ST3GAL1: variants seen among roughly 807,000 people sequenced by gnomAD.
The protein encoded by ST3GAL1 is CMP-N-acetylneuraminate-beta-galactosamide-alpha-2,3-sialyltransferase 1.
In ST3GAL1, 16 loss-of-function variants were observed where a neutral mutation model predicts 34.1. The observed-to-expected ratio is 0.47, with a 90% CI of 0.32 to 0.71. ST3GAL1 has a LOEUF of 0.71. Ranked by LOEUF, ST3GAL1 falls within the 30% of genes least tolerant of loss-of-function variation. The probability of loss-of-function intolerance (pLI) is 0.04; values close to 1 mark genes in which losing one functional copy is unlikely to be tolerated. For synonymous variants in ST3GAL1, 191 were observed against 184.7 expected, an observed-to-expected ratio of 1.03 and a Z score of -0.28; for missense variants, 353 against 447.4, an observed-to-expected ratio of 0.79 and a Z score of 1.90.
intron 3 of ST3GAL1, among the ~76,000 whole-genome samples, chr8:133,481,086 T>C (rs1416468878): frequency 6.6e-6 from 1 of 152,232 alleles, no homozygotes; most frequent in East Asian, 1.9e-4. Flanking sequence ...ATTTCTATTG[T>C]CTATTTTCTC....
In ST3GAL1 at chr8:133,570,013, AC is replaced by A. The variant is rs1270707303; in HGVS notation, c.-582+1679del. 1.3e-5 allele frequency: 2 copies of A among 152,340 alleles called. No individual in the cohort carries two copies. Among genetic ancestry groups the A allele is most frequent in the Non-Finnish European group, 2.9e-5 (2 of 68,146 alleles). The allele number at this position is 152,340 out of a possible 1,614,324, so 9.4% of individuals were successfully genotyped here. A position where few individuals can be genotyped will look rare whatever the true frequency, so the allele number is the denominator to read the frequency against. On this transcript the variant is annotated intron_variant, in intron 1 of 9. Transcript: ENST00000522652. This position sits in a 1 kb window ranked among gnomAD's most constrained non-coding sequence, Gnocchi z 5.6. Reference sequence around the variant, plus strand: ...AGGGGGCGTCCGGGCCCCTGCCAGCACCTTCCACCTTGGGGCCTTGTCAATG... The same window carrying A: ...AGGGGGCGTCCGGGCCCCTGCCAGCACTTCCACCTTGGGGCCTTGTCAATG...
chr8:133,556,580 A>G lies in ST3GAL1; in HGVS notation c.-581-10654T>C, dbSNP rs1193513183. Among the ~76,000 whole-genome samples the G allele has an allele frequency of 6.6e-6, 1 of 152,236 alleles. No individual in the cohort carries two copies. Among genetic ancestry groups the G allele is most frequent in the African/African-American group, 2.4e-5 (1 of 41,464 alleles). ...AGCAACCTCAGCTAATGAAGGCTGC[A>G]TAACTATGTACTTTCGAACAAGATT... On this transcript the variant is annotated intron_variant, in intron 1 of 9. Coordinates refer to ENST00000522652, the MANE Select transcript of ST3GAL1 (RefSeq NM_173344.3). The surrounding 1 kb of genome is among the most constrained non-coding windows in gnomAD (Gnocchi z 8.9).
rs941628411 is a variant in ST3GAL1, at chr8:133,570,315, C to T, written c.-582+1378G>A. The T allele has an allele frequency of 6.6e-6, 1 of 152,278 alleles. No individual in the cohort carries two copies. The highest frequency in any genetic ancestry group is 1.9e-4 in the East Asian group (1 of 5,192). 9.4% of individuals were successfully genotyped at this position (152,278 alleles called of 1,614,324 possible). A position where few individuals can be genotyped will look rare whatever the true frequency, so the allele number is the denominator to read the frequency against. On this transcript the variant is annotated intron_variant, in intron 1 of 9. Coordinates refer to ENST00000522652, the MANE Select transcript of ST3GAL1 (RefSeq NM_173344.3). This position sits in a 1 kb window ranked among gnomAD's most constrained non-coding sequence, Gnocchi z 5.6. Reference sequence around the variant, plus strand: ...CGGAAACAATCACGAGAAAGCCGGGCGAATGCCTGATGCAGGGACGCGGCG... The same window carrying T: ...CGGAAACAATCACGAGAAAGCCGGGTGAATGCCTGATGCAGGGACGCGGCG...
At chr8:133,561,662 G>C (rs1228569388) in intron 1 of ST3GAL1, among the ~76,000 whole-genome samples, 1 of 152,052 alleles carries the variant, frequency 6.6e-6, no homozygotes, top group Non-Finnish European at 1.5e-5. Flanking sequence ...TTTTGCCACT[G>C]TTCTCACGCT....
chr8:133,480,947 A>G (rs1816359428), intron 3 of ST3GAL1, among the ~76,000 whole-genome samples: 1 of 151,970 alleles, frequency 6.6e-6, no homozygotes, highest in South Asian at 2.1e-4. Context: ...TTTCTACCTA[A>G]TTTTTTGACA....
At chr8:133,507,428 T>C (rs1817378396) in intron 2 of ST3GAL1, among the ~76,000 whole-genome samples, 1 of 152,164 alleles carries the variant, frequency 6.6e-6, no homozygotes, top group Admixed American at 6.5e-5. Context: ...CCCAGGAGGG[T>C]TGGCTTCGAG....
chr8:133,497,279 G>C (rs4736684), intron 3 of ST3GAL1, among the ~76,000 whole-genome samples: 121,458 of 152,122 alleles, frequency 0.8, 48,749 homozygotes, highest in Middle Eastern at 0.85. Context: ...ACTGCAGTGT[G>C]CTGTGAACTC....
chr8:133,536,845 A>C (rs960095562), intron 2 of ST3GAL1, among the ~76,000 whole-genome samples: 6 of 152,130 alleles, frequency 3.9e-5, no homozygotes, highest in African/African-American at 1.2e-4. Flanking sequence ...AGTCTCAGAA[A>C]GTGTTATTCC....
At chr8:133,536,305 G>T (rs1455637168) in intron 2 of ST3GAL1, among the ~76,000 whole-genome samples, 1 of 152,160 alleles carries the variant, frequency 6.6e-6, no homozygotes, top group Admixed American at 6.5e-5. Flanking sequence ...AGGGTCATGG[G>T]CATTAAAAGG....
At chr8:133,460,581 G>C (rs554960991) in intron 9 of ST3GAL1, among the ~76,000 whole-genome samples, 1 of 152,248 alleles carries the variant, frequency 6.6e-6, no homozygotes, top group African/African-American at 2.4e-5. Flanking sequence ...CCTGCTGGCT[G>C]TACTGAAGTT....
chr8:133,545,011 G>A (rs913327751), intron 2 of ST3GAL1, among the ~76,000 whole-genome samples: 29 of 152,296 alleles, frequency 1.9e-4, no homozygotes, highest in African/African-American at 6.0e-4. Context: ...CTAACTCTGC[G>A]CTGATAAAAA....
At chr8:133,540,089 C>T (rs1818421272) in intron 2 of ST3GAL1, among the ~76,000 whole-genome samples, 1 of 152,172 alleles carries the variant, frequency 6.6e-6, no homozygotes, top group Admixed American at 6.5e-5. Context: ...AGCTCCCCCG[C>T]TCTTCATTTC....
intron 1 of ST3GAL1, among the ~76,000 whole-genome samples, chr8:133,569,574 C>T (rs2131125567): frequency 6.6e-6 from 1 of 152,200 alleles, no homozygotes; most frequent in East Asian, 1.9e-4. Context: ...AGAGGCCCCA[C>T]GCTGTACCCA....
chr8:133,501,046 G>A (rs1458438499), intron 2 of ST3GAL1, among the ~76,000 whole-genome samples: 4 of 152,208 alleles, frequency 2.6e-5, no homozygotes, highest in African/African-American at 9.6e-5. Context: ...TGTCCCCACG[G>A]CCTTTAATCT....
chr8:133,550,551 C>A (rs917324818), intron 1 of ST3GAL1, among the ~76,000 whole-genome samples: 1 of 152,252 alleles, frequency 6.6e-6, no homozygotes. Flanking sequence ...TAATACCAGG[C>A]GAATTACTAT....
Position 133,464,824 on chromosome 8 carries a change from C to T in ST3GAL1, c.637G>A (p.Asp213Asn). ...SMILVPFKTI[D>N]LEWVVSAITT... is the part of the protein sequence containing the mutation. ...ATGGCGCTCACCACCCACTCCAAGT[C>T]GATGGTCTTGAAGGGCACCAGGATC... is the stretch of plus-strand genomic sequence containing the variant. Residue 213 changes from aspartate to asparagine, a missense_variant, in exon 7 of 10, where the codon GAC (aspartate) becomes AAC (asparagine). Physicochemically the swap from Asp to Asn is conservative, Grantham distance 23. Transcript: ENST00000522652. 2 of 1,613,872 alleles carry T rather than the reference C, an allele frequency of 1.2e-6. No homozygotes were observed. The highest frequency in any genetic ancestry group is 2.2e-5 in the South Asian group (2 of 91,060).
rs147893008 is a variant in ST3GAL1 at position 133,551,570 on chromosome 8, G to C, written c.-581-5644C>G. Among the ~76,000 whole-genome samples the C allele has an allele frequency of 9.9e-3, 1,443 of 146,240 alleles. 28 individuals carry two copies. The highest frequency in any genetic ancestry group is 0.036 in the African/African-American group (1,369 of 38,022). ...AGAAAGAAAGAAAGAAAGAAAGAAA[G>C]AAAGAAAGAAAGAAAGAAAGAAAGA... is the stretch of plus-strand genomic sequence containing the variant. On this transcript the variant is annotated intron_variant, in intron 1 of 9. Transcript: ENST00000522652.
chr8:133,541,263 A>C (rs1022519431), intron 2 of ST3GAL1, among the ~76,000 whole-genome samples: 1 of 151,388 alleles, frequency 6.6e-6, no homozygotes, highest in African/African-American at 2.4e-5. Flanking sequence ...CCTGAAACCA[A>C]CATTTATCTG....
At chr8:133,500,002 G>A (rs544929452) in intron 2 of ST3GAL1, among the ~76,000 whole-genome samples, 5 of 152,328 alleles carry the variant, frequency 3.3e-5, no homozygotes, top group African/African-American at 9.6e-5. Flanking sequence ...ACAGAGAGAC[G>A]TGAATCTAAG....
Sources: allele counts gnomAD v4.1 joint callset (sites outside exome capture counted in the v4.1 genomes callset), GRCh38; gene constraint gnomAD v4.1.1; non-coding constraint Gnocchi (gnomAD v3.1); transcripts MANE v1.5; gene names NCBI Gene and HGNC (gene_info 2026-07-23, HGNC 2026-07-21).